The following CDH22 variants were observed in gnomAD, a reference collection of about 807,000 sequenced individuals.
CDH22 encodes cadherin 22, also known as cadherin-22.
CDH22 carries 30 observed loss-of-function variants against 58.4 expected under a neutral mutation model. The ratio of observed to expected loss-of-function variants is 0.51; its 90% CI spans 0.38 to 0.70. The LOEUF is 0.70. Ranked by LOEUF, CDH22 falls within the 30% of genes least tolerant of loss-of-function variation. The probability of loss-of-function intolerance (pLI) is 0.00; values close to 1 mark genes in which losing one functional copy is unlikely to be tolerated. For missense variants in CDH22, 1,014 were observed against 1,233.9 expected, an observed-to-expected ratio of 0.82 and a Z score of 2.67; for synonymous variants, 513 against 558.2, an observed-to-expected ratio of 0.92 and a Z score of 1.14.
chr20:46,174,720 G>A lies in CDH22; in HGVS notation c.2273C>T (p.Ala758Val). The change falls in exon 12 of 12, where the codon GCG becomes GTG. Residue 758 changes from alanine to valine, a missense_variant. Around this residue, in one of 2 missense-constraint regions of CDH22, gnomAD observed 208 missense variants for 195.2 expected, o/e 1.07. Transcript: ENST00000537909. This position sits in a 1 kb window ranked among gnomAD's most constrained non-coding sequence, Gnocchi z 4.4. ...RDFISRKVALADGDLSVPPYD... is the reference protein window; with the variant it reads ...RDFISRKVALVDGDLSVPPYD... ...GGGCGGCACCGACAGGTCCCCGTCC[G>A]CCAGTGCCACCTTGCGGCTGATGAA... The A allele has an allele frequency of 6.4e-7, 1 of 1,555,802 alleles. No homozygotes were observed. Among genetic ancestry groups the A allele is most frequent in the Non-Finnish European group, 8.6e-7 (1 of 1,158,420 alleles).
intron 8 of CDH22, among the ~76,000 whole-genome samples, chr20:46,191,061 C>T (rs2085859206): frequency 6.6e-6 from 1 of 152,154 alleles, no homozygotes; most frequent in Non-Finnish European, 1.5e-5. Flanking sequence ...GTGAACAAGA[C>T]AGCATGGTCT....
chr20:46,305,660 A>C (rs943208684), intron 1 of CDH22, among the ~76,000 whole-genome samples: 8 of 152,212 alleles, frequency 5.3e-5, no homozygotes, highest in Non-Finnish European at 1.2e-4. Flanking sequence ...CTGAGGCTGC[A>C]TTTCAGATTG....
chr20:46,195,565 C>T (rs1243958843), intron 8 of CDH22, among the ~76,000 whole-genome samples: 1 of 152,082 alleles, frequency 6.6e-6, no homozygotes, highest in Non-Finnish European at 1.5e-5. Flanking sequence ...GCTGGGTGCC[C>T]CCCTTGGCAC....
At chr20:46,276,504 C>T (rs2086517974) in intron 1 of CDH22, among the ~76,000 whole-genome samples, 1 of 152,176 alleles carries the variant, frequency 6.6e-6, no homozygotes, top group South Asian at 2.1e-4. Context: ...ACACTAATAA[C>T]CATGGCCAGC....
chr20:46,255,232 G>C (rs1600718285), intron 1 of CDH22, among the ~76,000 whole-genome samples: 1 of 152,024 alleles, frequency 6.6e-6, no homozygotes, highest in African/African-American at 2.4e-5. Context: ...GGCTGTTCTT[G>C]AACTCCTGAC....
intron 3 of CDH22, among the ~76,000 whole-genome samples, chr20:46,235,102 C>A (rs2086244018): frequency 6.6e-6 from 1 of 152,232 alleles, no homozygotes; most frequent in East Asian, 1.9e-4. Context: ...AATTACTTAT[C>A]TTTGCATCCT....
At chr20:46,229,434 A>G (rs1271025946) in intron 3 of CDH22, among the ~76,000 whole-genome samples, 1 of 152,162 alleles carries the variant, frequency 6.6e-6, no homozygotes, top group Non-Finnish European at 1.5e-5. Context: ...CAGCACAAGT[A>G]CAGTGACTTT....
chr20:46,277,971 G>C (rs1016031835), intron 1 of CDH22, among the ~76,000 whole-genome samples: 1 of 152,012 alleles, frequency 6.6e-6, no homozygotes, highest in Non-Finnish European at 1.5e-5. Flanking sequence ...AATGAGAGGG[G>C]GCGAAAGTGT....
chr20:46,179,268 T>C (rs2085767113), intron 10 of CDH22, among the ~76,000 whole-genome samples: 1 of 152,206 alleles, frequency 6.6e-6, no homozygotes, highest in Non-Finnish European at 1.5e-5. Context: ...CTGGGGGCCT[T>C]CAGTCCTCCT....
intron 1 of CDH22, among the ~76,000 whole-genome samples, chr20:46,274,624 C>T (rs137940684): frequency 1.8e-4 from 27 of 152,216 alleles, no homozygotes; most frequent in African/African-American, 5.1e-4. Context: ...AAAGCTCATA[C>T]GAAAATGTTC....
intron 2 of CDH22, among the ~76,000 whole-genome samples, chr20:46,247,927 A>C (rs1440801299): frequency 6.6e-6 from 1 of 152,246 alleles, no homozygotes; most frequent in Admixed American, 6.5e-5. Flanking sequence ...GTGACAAGTC[A>C]CAACAGCAGT....
At chr20:46,190,925 T>C (rs1252601089) in intron 8 of CDH22, among the ~76,000 whole-genome samples, 1 of 152,170 alleles carries the variant, frequency 6.6e-6, no homozygotes, top group Admixed American at 6.5e-5. Flanking sequence ...TCTCTCACCT[T>C]CACTGGGCCT....
chr20:46,286,814 C>G (rs1201157256), intron 1 of CDH22, among the ~76,000 whole-genome samples: 1 of 152,180 alleles, frequency 6.6e-6, no homozygotes, highest in African/African-American at 2.4e-5. Context: ...CCCTCCTCTG[C>G]TCTAGAAAGC....
Position 46,251,445 on chromosome 20 carries a change from C to G in CDH22, c.-151G>C, listed in dbSNP as rs1392998639. ...CCCCGACGGGGCACCCGGACGGGCC[C>G]GCGGCCCTGAACGCCGCCCAGCCGC... On this transcript the variant is annotated 5_prime_UTR_variant, in exon 2 of 12. Transcript: ENST00000537909. The surrounding 1 kb of genome is among the most constrained non-coding windows in gnomAD (Gnocchi z 6.7). The G allele has an allele frequency of 8.6e-6, 8 of 928,144 alleles. No individual in the cohort carries two copies. The highest frequency in any genetic ancestry group is 4.3e-6 in the Non-Finnish European group (3 of 697,262). The allele number at this position is 928,144 out of a possible 1,614,324, so 57.5% of individuals were successfully genotyped here.
rs1006684536 is a variant in CDH22, at chr20:46,251,419, C to G, written c.-125G>C. 1.7e-6 allele frequency: 2 copies of G among 1,149,996 alleles called. No homozygotes were observed. The highest frequency in any genetic ancestry group is 4.2e-5 in the Admixed American group (1 of 23,658). The allele number at this position is 1,149,996 out of a possible 1,614,324, so 71.2% of individuals were successfully genotyped here. A position where few individuals can be genotyped will look rare whatever the true frequency, so the allele number is the denominator to read the frequency against. On this transcript the variant is annotated 5_prime_UTR_variant, in exon 2 of 12. Transcript: ENST00000537909. This position sits in a 1 kb window ranked among gnomAD's most constrained non-coding sequence, Gnocchi z 6.7. ...CCTCAGCGCGGCCGCCGGGATGTCG[C>G]CCCCGACGGGGCACCCGGACGGGCC...
At chr20:46,272,998 C>T (rs2086500022) in intron 1 of CDH22, among the ~76,000 whole-genome samples, 1 of 152,154 alleles carries the variant, frequency 6.6e-6, no homozygotes, top group African/African-American at 2.4e-5. Flanking sequence ...GTTTGAGGTT[C>T]CCTGGCATAC....
At chr20:46,305,038 C>T (rs1007244540) in intron 1 of CDH22, among the ~76,000 whole-genome samples, 2 of 152,240 alleles carry the variant, frequency 1.3e-5, no homozygotes, top group Non-Finnish European at 2.9e-5. Flanking sequence ...TGCCCAACTG[C>T]ATATAACAGC....
chr20:46,223,784 T>C (rs919171119), intron 4 of CDH22, among the ~76,000 whole-genome samples: 5 of 151,174 alleles, frequency 3.3e-5, no homozygotes, highest in Non-Finnish European at 7.4e-5. Flanking sequence ...TTCCTCTCTT[T>C]CTTTTTCTTT....
chr20:46,195,798 C>T (rs995472703), intron 8 of CDH22, among the ~76,000 whole-genome samples: 4 of 152,116 alleles, frequency 2.6e-5, no homozygotes, highest in Admixed American at 6.5e-5. Context: ...CTCAGAAGTT[C>T]GGGGAGAGGG....
Sources: gnomAD v4.1 joint callset for allele counts (sites outside exome capture counted in the v4.1 genomes callset) on GRCh38, gnomAD v4.1.1 for gene constraint, gnomAD v4.1.1 regional missense constraint, Gnocchi (gnomAD v3.1) non-coding constraint, MANE v1.5 for transcripts, NCBI Gene and HGNC (gene_info 2026-07-23, HGNC 2026-07-21) for gene names.